SPTY2D1: variants seen among roughly 807,000 people sequenced by gnomAD.
The protein encoded by SPTY2D1 is protein SPT2 homolog.
SPTY2D1 carries 21 observed loss-of-function variants against 64.0 expected under a neutral mutation model. The ratio of observed to expected loss-of-function variants is 0.33; its 90% confidence interval spans 0.23 to 0.47. The LOEUF (loss-of-function observed/expected upper bound fraction) is 0.47. Ranked by LOEUF, SPTY2D1 falls within the 20% of genes least tolerant of loss-of-function variation. The pLI, the probability that SPTY2D1 is intolerant of heterozygous loss-of-function variation, is 1.00. For synonymous variants in SPTY2D1, 287 were observed against 286.8 expected, an observed-to-expected ratio of 1.00 and a Z score of -0.01; for missense variants, 724 against 837.2, an observed-to-expected ratio of 0.86 and a Z score of 1.67.
intron 5 of SPTY2D1, among the ~76,000 whole-genome samples, chr11:18,610,686 A>AAAAAAAAAAAAAAAAAACAAC (rs1554987436): frequency 2.0e-5 from 3 of 147,188 alleles, no homozygotes; most frequent in African/African-American, 7.6e-5. Flanking sequence ...AAAAAAAAAA[A>AAAAAAAAAAAAAAAAAACAAC]AACAACAATA....
At chr11:18,625,015 A>C (rs1454162992) in intron 1 of SPTY2D1, among the ~76,000 whole-genome samples, 1 of 152,134 alleles carries the variant, frequency 6.6e-6, no homozygotes, top group Non-Finnish European at 1.5e-5. Flanking sequence ...AAAAAAAGTC[A>C]ATTCCTCCAT....
chr11:18,623,285 TGATTCCA>T (rs2134115611), intron 1 of SPTY2D1, among the ~76,000 whole-genome samples: 1 of 152,322 alleles, frequency 6.6e-6, no homozygotes, highest in South Asian at 2.1e-4. Flanking sequence ...CACCACCATC[TGATTCCA>T]GAAAATTTTA....
In SPTY2D1 at chr11:18,611,494, C is replaced by T. The variant is rs1463431821; in HGVS notation, c.1947G>A (p.Gln649=). 1.2e-6 allele frequency: 2 copies of T among 1,614,070 alleles called. No individual in the cohort carries two copies. The highest frequency in any genetic ancestry group is 1.7e-6 in the Non-Finnish European group (2 of 1,179,980). ...ATGCTTACCTCTTTGCTTCTTCCTT[C>T]TGCTGCTCTTTCCAACTACTTTCCA... is the stretch of plus-strand genomic sequence containing the variant. ...RYMESSWKEQ[Q]KEEAKSLRLG... The change falls in exon 5 of 6, where the codon CAG becomes CAA. Residue 649 remains glutamine (Q), a synonymous_variant. Coordinates refer to ENST00000336349, the MANE Select transcript of SPTY2D1 (RefSeq NM_194285.3).
At position 18,615,099 on chromosome 11, in the gene SPTY2D1, C is replaced by G. The variant is rs769922665; in HGVS notation, c.1175G>C (p.Ser392Thr). 2 of 1,614,068 alleles carry G rather than the reference C, an allele frequency of 1.2e-6. No individual in the cohort carries two copies. Among genetic ancestry groups the G allele is most frequent in the African/African-American group, 2.7e-5 (2 of 74,948 alleles). ...CTGGCGCCTAGGCACAGGGCCAGAA[C>G]TAACTGTGGGTCGAGCAACCCCTGT... ...PSTGVARPTV[S>T]SGPVPRRQNG... is the part of the protein sequence containing the mutation. Residue 392 changes from serine to threonine, a missense_variant, in exon 3 of 6, where the codon AGT (serine) becomes ACT (threonine). By Grantham distance (58) the Ser-to-Thr change is moderately conservative. Coordinates refer to ENST00000336349, the MANE Select transcript of SPTY2D1 (RefSeq NM_194285.3).
chr11:18,621,957 T>C (rs1854412294), intron 1 of SPTY2D1, among the ~76,000 whole-genome samples: 1 of 151,476 alleles, frequency 6.6e-6, no homozygotes, highest in African/African-American at 2.4e-5. Context: ...CACAGTGGCA[T>C]ATGCCTGTGG....
In SPTY2D1 at chr11:18,616,764, C is replaced by A. The variant is rs188604017; in HGVS notation, c.175+111G>T. On this transcript the variant is annotated intron_variant, in intron 2 of 5. Transcript: ENST00000336349. ...ACACACACACACACACACACACACCCTCCCAAATCTGTTGGCCTGTTATGT... is the reference window on the plus strand; with the variant it reads ...ACACACACACACACACACACACACCATCCCAAATCTGTTGGCCTGTTATGT... 2.3e-4 allele frequency: 209 copies of A among 921,818 alleles called. No individual in the cohort carries two copies. The Admixed American group carries it at 4.2e-3, about 18-fold the overall frequency. 57.1% of individuals were successfully genotyped at this position (921,818 alleles called of 1,614,324 possible).
chr11:18,621,836 C>T (rs1486200535), intron 1 of SPTY2D1, among the ~76,000 whole-genome samples: 2 of 151,994 alleles, frequency 1.3e-5, no homozygotes, highest in African/African-American at 4.8e-5. Context: ...CCTGTAATTC[C>T]AGCACTTTGG....
chr11:18,634,144 T>C (rs1034708788), intron 1 of SPTY2D1, 54 bp downstream of exon 1: 1 of 1,604,984 alleles, frequency 6.2e-7, no homozygotes, highest in Non-Finnish European at 8.5e-7. Context: ...GCCACACACA[T>C]TCCGAACTTG....
intron 1 of SPTY2D1, among the ~76,000 whole-genome samples, chr11:18,618,395 C>T (rs763051996): frequency 2.6e-5 from 4 of 152,124 alleles, no homozygotes; most frequent in Non-Finnish European, 4.4e-5. Flanking sequence ...TATATAACTG[C>T]ATCAAGAAAT....
intron 3 of SPTY2D1, among the ~76,000 whole-genome samples, chr11:18,613,580 T>C (rs11599952): frequency 0.044 from 6,664 of 152,304 alleles, 210 homozygotes; most frequent in South Asian, 0.12. Flanking sequence ...GTTGTGACGA[T>C]TGCCAAAAGT....
chr11:18,627,989 A>C (rs984724888), intron 1 of SPTY2D1, among the ~76,000 whole-genome samples: 1 of 152,232 alleles, frequency 6.6e-6, no homozygotes, highest in Non-Finnish European at 1.5e-5. Flanking sequence ...CAGAGGTTGC[A>C]GTGAGCTGAA....
chr11:18,616,674 G>A (rs773898775), intron 2 of SPTY2D1, among the ~76,000 whole-genome samples: 4 of 151,636 alleles, frequency 2.6e-5, no homozygotes, highest in Non-Finnish European at 4.4e-5. Flanking sequence ...AAAAGAAAAC[G>A]TTTATACAAA....
At chr11:18,616,156 C>T in intron 2 of SPTY2D1, 58 bp from the exon 3 acceptor site, 1 of 1,460,396 alleles carries the variant, frequency 6.8e-7, no homozygotes, top group South Asian at 1.4e-5. Flanking sequence ...TTGCAGTATG[C>T]TCAAGTGAAA....
intron 5 of SPTY2D1, among the ~76,000 whole-genome samples, chr11:18,610,763 A>C (rs1854193114): frequency 6.6e-6 from 1 of 152,142 alleles, no homozygotes; most frequent in Admixed American, 6.6e-5. Flanking sequence ...TCAGATAGCC[A>C]AACAGAAATC....
chr11:18,624,303 A>G (rs1366476070), intron 1 of SPTY2D1, among the ~76,000 whole-genome samples: 1 of 152,142 alleles, frequency 6.6e-6, no homozygotes, highest in Non-Finnish European at 1.5e-5. Context: ...TCACATGGTC[A>G]TATTTAGCTC....
rs1854140230 is a variant in SPTY2D1, at chr11:18,608,251, T to G, written c.*1610A>C. The stretch of plus-strand genomic sequence containing the variant: ...GGATTCAACTTAAAAATTAAATCCT[T>G]GCACTTTCAAAGTTTGAAACTCAAT... On this transcript the variant is annotated 3_prime_UTR_variant, in exon 6 of 6. Coordinates refer to ENST00000336349, the MANE Select transcript of SPTY2D1 (RefSeq NM_194285.3). The G allele has an allele frequency of 6.6e-6, 1 of 152,646 alleles. No homozygotes were observed. The highest frequency in any genetic ancestry group is 1.5e-5 in the Non-Finnish European group (1 of 68,040). The allele number at this position is 152,646 out of a possible 1,614,324, so 9.5% of individuals were successfully genotyped here.
intron 1 of SPTY2D1, among the ~76,000 whole-genome samples, chr11:18,619,020 T>C (rs1303991931): frequency 1.3e-5 from 2 of 152,280 alleles, no homozygotes; most frequent in East Asian, 1.9e-4. Flanking sequence ...TTTAGACTCT[T>C]TCCATAGTGG....
intron 1 of SPTY2D1, among the ~76,000 whole-genome samples, chr11:18,632,231 T>G (rs1227424048): frequency 6.6e-6 from 1 of 152,152 alleles, no homozygotes; most frequent in Non-Finnish European, 1.5e-5. Context: ...GTGACTTTAA[T>G]TCCACATAAA....
At chr11:18,621,697 G>A (rs560211865) in intron 1 of SPTY2D1, among the ~76,000 whole-genome samples, 1 of 152,106 alleles carries the variant, frequency 6.6e-6, no homozygotes, top group Non-Finnish European at 1.5e-5. Flanking sequence ...TAAAAAGCTA[G>A]CAGTAAGGCA....
Sources: allele counts gnomAD v4.1 joint callset (sites outside exome capture counted in the v4.1 genomes callset), GRCh38; gene constraint gnomAD v4.1.1; transcripts MANE v1.5; gene names NCBI Gene and HGNC (gene_info 2026-07-23, HGNC 2026-07-21).